The following SLC23A2 variants were observed in gnomAD, a reference collection of about 807,000 sequenced individuals.
SLC23A2 encodes the protein solute carrier family 23 member 2.
In SLC23A2, 36 loss-of-function variants were observed where a neutral mutation model predicts 73.3. The observed-to-expected ratio is 0.49, with a 90% CI of 0.38 to 0.65. SLC23A2 has a LOEUF of 0.65. SLC23A2 is among the 30% of genes least tolerant of loss of function. The pLI is 0.00. For synonymous variants in SLC23A2, 343 were observed against 327.3 expected, an observed-to-expected ratio of 1.05 and a Z score of -0.52; for missense variants, 507 against 841.6, an observed-to-expected ratio of 0.60 and a Z score of 4.92.
chr20:4,913,376 T>C (rs1268953777), intron 3 of SLC23A2, among the ~76,000 whole-genome samples: 1 of 152,180 alleles, frequency 6.6e-6, no homozygotes, highest in East Asian at 1.9e-4. Flanking sequence ...CAAGCTTTGC[T>C]GTTCACCTAA....
chr20:4,976,912 G>A (rs2087651028), intron 1 of SLC23A2, among the ~76,000 whole-genome samples: 1 of 152,006 alleles, frequency 6.6e-6, no homozygotes, highest in African/African-American at 2.4e-5. Flanking sequence ...GGGGGCGGAG[G>A]TTGCAGTGAG....
At chr20:4,904,220 G>A (rs1393210798) in intron 4 of SLC23A2, among the ~76,000 whole-genome samples, 2 of 152,178 alleles carry the variant, frequency 1.3e-5, no homozygotes, top group Non-Finnish European at 2.9e-5. Flanking sequence ...TAGCCACATA[G>A]GCAGTCAGCC....
intron 1 of SLC23A2, among the ~76,000 whole-genome samples, chr20:4,987,845 C>CAA (rs530611134): frequency 5.2e-5 from 7 of 135,670 alleles, no homozygotes; most frequent in African/African-American, 1.9e-4. Flanking sequence ...GACTCCATCT[C>CAA]AAAAAAAAAA....
chr20:4,931,068 GAAAAAAAAAA>G (rs758041566), intron 3 of SLC23A2, among the ~76,000 whole-genome samples: 868 of 75,082 alleles, frequency 0.012, 7 homozygotes, highest in Non-Finnish European at 0.015. Flanking sequence ...ATTTTTTTAA[GAAAAAAAAAA>G]AAAAAAAAAA....
intron 2 of SLC23A2, among the ~76,000 whole-genome samples, chr20:4,945,738 G>A (rs1277529104): frequency 6.6e-6 from 1 of 152,144 alleles, no homozygotes; most frequent in Non-Finnish European, 1.5e-5. Context: ...GAGTGTCAAG[G>A]TAAAATGCTT....
chr20:4,961,271 CG>C (rs1186926529), intron 2 of SLC23A2, among the ~76,000 whole-genome samples: 1 of 151,928 alleles, frequency 6.6e-6, no homozygotes, highest in Non-Finnish European at 1.5e-5. Context: ...TTAGTAGAGA[CG>C]GGGTTTCACC....
At chr20:4,919,773 T>C (rs1004527215) in intron 3 of SLC23A2, among the ~76,000 whole-genome samples, 2 of 152,024 alleles carry the variant, frequency 1.3e-5, no homozygotes, top group African/African-American at 4.8e-5. Flanking sequence ...AAACGGACCG[T>C]CCTCTCCCAT....
chr20:4,995,774 C>T (rs2088009254), intron 1 of SLC23A2, among the ~76,000 whole-genome samples: 1 of 152,166 alleles, frequency 6.6e-6, no homozygotes, highest in African/African-American at 2.4e-5. Context: ...CCTCCTGCCA[C>T]ACCTCAGCAT....
At chr20:5,006,691 C>T (rs1434052822) in intron 1 of SLC23A2, among the ~76,000 whole-genome samples, 1 of 151,766 alleles carries the variant, frequency 6.6e-6, no homozygotes, top group African/African-American at 2.4e-5. Context: ...GAGGTGTTTG[C>T]CACCACCCCC....
chr20:4,927,682 A>C (rs114784920), intron 3 of SLC23A2, among the ~76,000 whole-genome samples: 190 of 152,214 alleles, frequency 1.2e-3, no homozygotes, highest in African/African-American at 4.4e-3. Context: ...CATATACCCA[A>C]TCAGGTTCTT....
rs147474436 is a variant in SLC23A2, at chr20:4,970,907, A to G, written c.-269T>C. The G allele has an allele frequency of 5.9e-5, 9 of 152,362 alleles. No homozygotes were observed. The highest frequency in any genetic ancestry group is 2.6e-4 in the Admixed American group (4 of 15,304). 9.4% of individuals were successfully genotyped at this position (152,362 alleles called of 1,614,324 possible). On this transcript the variant is annotated 5_prime_UTR_variant, in exon 2 of 17. Coordinates refer to ENST00000338244, the MANE Select transcript of SLC23A2 (RefSeq NM_005116.6). ...CCGTATGAGAAGTCCCCGTTAGTGG[A>G]GTCAAGACCTAGCTGGAGAAAAGCA...
chr20:4,905,929 G>T (rs369758647), intron 4 of SLC23A2, among the ~76,000 whole-genome samples: 1 of 152,194 alleles, frequency 6.6e-6, no homozygotes, highest in Non-Finnish European at 1.5e-5. Flanking sequence ...CCGCTGTAGC[G>T]TTTCAAACTG....
chr20:4,874,593 G>C lies in SLC23A2; in HGVS notation c.928C>G (p.Leu310Val). 3 of 1,609,060 alleles carry C rather than the reference G, an allele frequency of 1.9e-6. No individual in the cohort carries two copies. The highest frequency in any genetic ancestry group is 2.5e-6 in the Non-Finnish European group (3 of 1,178,244). ...CTACTCACAGGGAACATTTTGAACAGCTGTAACTTGTACGCAGTCCATCCT... is the reference window on the plus strand; with the variant it reads ...CTACTCACAGGGAACATTTTGAACACCTGTAACTTGTACGCAGTCCATCCT... ...KKGWTAYKLQ[L>V]FKMFPIILAI... is the part of the protein sequence containing the mutation. The change falls in exon 10 of 17, where the codon CTG becomes GTG. Residue 310 changes from leucine to valine, a missense_variant. Leu to Val is a conservative substitution (Grantham distance 32, BLOSUM62 1). This residue lies in a region of SLC23A2 where 217 missense variants were observed against 398.0 expected (regional missense o/e 0.55). Transcript: ENST00000338244.
chr20:4,949,432 AAC>A (rs1354532585), intron 2 of SLC23A2, among the ~76,000 whole-genome samples: 2 of 152,126 alleles, frequency 1.3e-5, no homozygotes, highest in African/African-American at 4.8e-5. Flanking sequence ...GCACCTGAAA[AAC>A]ACAGAAATTT....
Position 4,863,242 on chromosome 20 carries a change from C to T in SLC23A2, c.1357-335G>A, listed in dbSNP as rs1930053747. On this transcript the variant is annotated intron_variant, in intron 13 of 16. Coordinates refer to ENST00000338244, the MANE Select transcript of SLC23A2 (RefSeq NM_005116.6). The surrounding 1 kb of genome is among the most constrained non-coding windows in gnomAD (Gnocchi z 4.8). ...CACCACATGTCACCAAGGCAATTTC[C>T]CCCAAAGTGCTTCAGCCTCAATGCC... Among the ~76,000 whole-genome samples the T allele has an allele frequency of 6.6e-6, 1 of 152,160 alleles. No individual in the cohort carries two copies. The highest frequency in any genetic ancestry group is 1.5e-5 in the Non-Finnish European group (1 of 68,036).
chr20:4,919,028 C>A (rs527563953), intron 3 of SLC23A2, among the ~76,000 whole-genome samples: 28 of 152,296 alleles, frequency 1.8e-4, no homozygotes, highest in African/African-American at 6.7e-4. Flanking sequence ...GCCTTTACTG[C>A]AAGCTCCTTT....
intron 10 of SLC23A2, 31 bp from the exon 11 acceptor site, chr20:4,874,123 C>A: frequency 6.2e-7 from 1 of 1,602,386 alleles, no homozygotes; most frequent in Non-Finnish European, 8.5e-7. Flanking sequence ...CTCTGTCAGG[C>A]CAGCAGGGCT....
In SLC23A2 at chr20:4,991,939, G is replaced by C. The variant is rs146852434; in HGVS notation, c.-282+9467C>G. ...AGCCTGGCCAACATGGTGAAACTCTGTCTCTACTAAGAATACAAAAATTAG... is the reference window on the plus strand; with the variant it reads ...AGCCTGGCCAACATGGTGAAACTCTCTCTCTACTAAGAATACAAAAATTAG... On this transcript the variant is annotated intron_variant, in intron 1 of 16. Coordinates refer to ENST00000338244, the MANE Select transcript of SLC23A2 (RefSeq NM_005116.6). Among the ~76,000 whole-genome samples, 506 of 151,682 alleles carry C rather than the reference G, an allele frequency of 3.3e-3. 4 individuals are homozygous for C. The highest frequency in any genetic ancestry group is 0.012 in the African/African-American group (482 of 41,354).
At chr20:4,908,176 C>G (rs1265517418) in intron 4 of SLC23A2, among the ~76,000 whole-genome samples, 2 of 152,142 alleles carry the variant, frequency 1.3e-5, no homozygotes, top group Admixed American at 6.5e-5. Flanking sequence ...AGATACAATT[C>G]CTGAGATAAT....
Sources: allele counts gnomAD v4.1 joint callset (sites outside exome capture counted in the v4.1 genomes callset), GRCh38; gene constraint gnomAD v4.1.1; regional missense constraint gnomAD v4.1.1; non-coding constraint Gnocchi (gnomAD v3.1); transcripts MANE v1.5; gene names NCBI Gene and HGNC (gene_info 2026-07-23, HGNC 2026-07-21).